The following DIAPH3 variants were observed in gnomAD, a reference collection of about 807,000 sequenced individuals.
The protein encoded by DIAPH3 is protein diaphanous homolog 3.
A neutral mutation model predicts 144.3 loss-of-function variants in DIAPH3; 117 were observed. That is an observed-to-expected ratio of 0.81 (90% CI 0.70 to 0.95). The LOEUF (loss-of-function observed/expected upper bound fraction) is 0.95. Among genes scored for constraint, DIAPH3 ranks in the 40% least tolerant of loss-of-function variants. The pLI, the probability that DIAPH3 is intolerant of heterozygous loss-of-function variation, is 0.00. For missense variants in DIAPH3, 1,421 were observed against 1,412.7 expected, an observed-to-expected ratio of 1.01 and a Z score of -0.09; for synonymous variants, 519 against 488.9, an observed-to-expected ratio of 1.06 and a Z score of -0.81.
At position 59,666,450 on chromosome 13, in the gene DIAPH3, C is replaced by T; in HGVS notation, c.*134G>A. On this transcript the variant is annotated 3_prime_UTR_variant, in exon 28 of 28. Transcript: ENST00000400324. ...AAAAGCATTGCAATCATATATTTAGCTTTATTTTTCTAATATATATCATAA... is the reference window on the plus strand; with the variant it reads ...AAAAGCATTGCAATCATATATTTAGTTTTATTTTTCTAATATATATCATAA... 1 of 1,057,792 alleles carries T rather than the reference C, an allele frequency of 9.5e-7. No homozygotes were observed. The highest frequency in any genetic ancestry group is 1.8e-5 in the South Asian group (1 of 56,628). 65.5% of individuals were successfully genotyped at this position (1,057,792 alleles called of 1,614,324 possible). A position where few individuals can be genotyped will look rare whatever the true frequency, so the allele number is the denominator to read the frequency against.
intron 24 of DIAPH3, among the ~76,000 whole-genome samples, chr13:59,828,375 T>C (rs1217639100): frequency 6.6e-6 from 1 of 151,948 alleles, no homozygotes; most frequent in African/African-American, 2.4e-5. Context: ...ACAATTATTA[T>C]ACCCAAGGAG....
intron 1 of DIAPH3, among the ~76,000 whole-genome samples, chr13:60,135,690 T>C (rs1368007683): frequency 3.9e-5 from 6 of 152,216 alleles, no homozygotes; most frequent in Non-Finnish European, 5.9e-5. Context: ...TGTTTCTTTC[T>C]ACACCAAAAC....
chr13:59,789,319 C>T (rs2039209163), intron 25 of DIAPH3, among the ~76,000 whole-genome samples: 1 of 152,112 alleles, frequency 6.6e-6, no homozygotes, highest in Non-Finnish European at 1.5e-5. Flanking sequence ...ACTTGTCACC[C>T]ACAAGAGCTT....
In DIAPH3 at chr13:59,789,689, C is replaced by G. The variant is rs553226735; in HGVS notation, c.3164-14866G>C. Among the ~76,000 whole-genome samples the G allele has an allele frequency of 7.9e-5, 12 of 152,234 alleles. No homozygotes were observed. In the South Asian group the frequency reaches 2.5e-3, roughly 32 times the overall value. On this transcript the variant is annotated intron_variant, in intron 25 of 27. Transcript: ENST00000400324. ...CCCAGAGGAGCCCAGCAGTCATGCT[C>G]TGACAGCAGCATATGGTGCGCACTG...
intron 27 of DIAPH3, among the ~76,000 whole-genome samples, chr13:59,762,906 A>T (rs535056166): frequency 2.0e-5 from 3 of 152,256 alleles, no homozygotes; most frequent in Non-Finnish European, 4.4e-5. Context: ...ACAAAGGATG[A>T]TGAGTCCAGC....
intron 9 of DIAPH3, among the ~76,000 whole-genome samples, chr13:60,006,662 A>C (rs538375472): frequency 6.6e-6 from 1 of 152,162 alleles, no homozygotes; most frequent in African/African-American, 2.4e-5. Context: ...GAGAGCAGGG[A>C]AGGGGGAGCT....
chr13:59,771,956 G>A (rs1276649303), intron 27 of DIAPH3, among the ~76,000 whole-genome samples: 1 of 151,766 alleles, frequency 6.6e-6, no homozygotes, highest in Admixed American at 6.6e-5. Context: ...TCACATAGCT[G>A]TAGAAAATCT....
intron 17 of DIAPH3, among the ~76,000 whole-genome samples, chr13:59,942,106 C>T (rs1566549269): frequency 2.0e-5 from 3 of 152,094 alleles, no homozygotes; most frequent in Admixed American, 6.6e-5. Context: ...TACTTCCATC[C>T]TCAAATTTGA....
At chr13:59,745,933 G>A (rs1247683483) in intron 27 of DIAPH3, among the ~76,000 whole-genome samples, 2 of 152,132 alleles carry the variant, frequency 1.3e-5, no homozygotes, top group African/African-American at 4.8e-5. Flanking sequence ...GGAATGATAT[G>A]AATTGAAAGT....
intron 24 of DIAPH3, among the ~76,000 whole-genome samples, chr13:59,815,364 T>A (rs954707912): frequency 6.6e-6 from 1 of 152,206 alleles, no homozygotes; most frequent in Non-Finnish European, 1.5e-5. Context: ...TATTTTAGAA[T>A]AGACTTGTTA....
chr13:59,734,664 G>A (rs1237308461), intron 27 of DIAPH3, among the ~76,000 whole-genome samples: 1 of 152,168 alleles, frequency 6.6e-6, no homozygotes, highest in African/African-American at 2.4e-5. Context: ...TCTGCTTTCA[G>A]TTCTCATCTG....
intron 17 of DIAPH3, 44 bp from the exon 18 acceptor site, chr13:59,924,914 C>A (rs1167636962): frequency 6.4e-7 from 1 of 1,572,214 alleles, no homozygotes; most frequent in Non-Finnish European, 8.7e-7. Context: ...GCAATTCATT[C>A]AAATACAAAA....
At chr13:59,683,815 A>G (rs2033072534) in intron 27 of DIAPH3, among the ~76,000 whole-genome samples, 1 of 152,196 alleles carries the variant, frequency 6.6e-6, no homozygotes, top group Admixed American at 6.5e-5. Flanking sequence ...GAAGAATAAA[A>G]TGAATTCATC....
intron 20 of DIAPH3, among the ~76,000 whole-genome samples, chr13:59,883,004 A>C (rs2045185157): frequency 6.6e-6 from 1 of 152,146 alleles, no homozygotes; most frequent in Non-Finnish European, 1.5e-5. Flanking sequence ...CCAGAACCCT[A>C]AGGGTAATTT....
chr13:59,829,577 C>G (rs573878481), intron 24 of DIAPH3, among the ~76,000 whole-genome samples: 1 of 151,886 alleles, frequency 6.6e-6, no homozygotes, highest in Non-Finnish European at 1.5e-5. Flanking sequence ...TAGCTCCAGA[C>G]GCATGGTTAG....
At chr13:60,028,120 A>C (rs2054515505) in intron 5 of DIAPH3, among the ~76,000 whole-genome samples, 1 of 151,118 alleles carries the variant, frequency 6.6e-6, no homozygotes, top group Non-Finnish European at 1.5e-5. Flanking sequence ...TCTTCTTTGA[A>C]CTCTCGCTGA....
intron 17 of DIAPH3, among the ~76,000 whole-genome samples, chr13:59,965,644 CT>C (rs201780437): frequency 2.6e-5 from 4 of 151,684 alleles, no homozygotes; most frequent in African/African-American, 4.8e-5. Flanking sequence ...GATAAACAAT[CT>C]TTTTTTATAA....
intron 27 of DIAPH3, among the ~76,000 whole-genome samples, chr13:59,707,534 T>A (rs2034496929): frequency 6.6e-6 from 1 of 152,116 alleles, no homozygotes; most frequent in African/African-American, 2.4e-5. Flanking sequence ...AAGTAGAAAA[T>A]CTGGTACTTC....
intron 5 of DIAPH3, among the ~76,000 whole-genome samples, chr13:60,040,693 A>C (rs1405516675): frequency 6.6e-6 from 1 of 152,130 alleles, no homozygotes; most frequent in African/African-American, 2.4e-5. Context: ...TAAACTGAGA[A>C]ATGAGTGTGA....
Sources: gnomAD v4.1 joint callset for allele counts (sites outside exome capture counted in the v4.1 genomes callset) on GRCh38, gnomAD v4.1.1 for gene constraint, MANE v1.5 for transcripts, NCBI Gene and HGNC (gene_info 2026-07-23, HGNC 2026-07-21) for gene names.